The following ZFYVE28 variants were observed in gnomAD, a reference collection of about 807,000 sequenced individuals.
ZFYVE28 encodes the protein zinc finger FYVE-type containing 28, also known as lateral signaling target protein 2 homolog.
A neutral mutation model predicts 82.1 loss-of-function variants in ZFYVE28; 40 were observed. The observed-to-expected ratio is 0.49, with a 90% CI of 0.38 to 0.63. ZFYVE28 has a LOEUF of 0.63. Ranked by LOEUF, ZFYVE28 falls within the 30% of genes least tolerant of loss-of-function variation. The probability of loss-of-function intolerance (pLI) is 0.00; values close to 1 mark genes in which losing one functional copy is unlikely to be tolerated. For missense variants in ZFYVE28, 1,321 were observed against 1,242.1 expected, an observed-to-expected ratio of 1.06 and a Z score of -0.96; for synonymous variants, 612 against 546.1, an observed-to-expected ratio of 1.12 and a Z score of -1.68.
intron 1 of ZFYVE28, among the ~76,000 whole-genome samples, chr4:2,406,064 A>AAGAAAGAC (rs1731875641): frequency 2.8e-5 from 4 of 142,484 alleles, no homozygotes; most frequent in African/African-American, 1.1e-4. Flanking sequence ...AAAAAAAAAA[A>AAGAAAGAC]AGAAAGAAAG....
In ZFYVE28 at chr4:2,318,328, C is replaced by T. The variant is rs567010106; in HGVS notation, c.803+1842G>A. ...ATCCCAGCACTTTGGGAGGCCGAGGCGGGCGGATCACCTGAGGTCAGGAGT... is the reference window on the plus strand; with the variant it reads ...ATCCCAGCACTTTGGGAGGCCGAGGTGGGCGGATCACCTGAGGTCAGGAGT... On this transcript the variant is annotated intron_variant, in intron 7 of 12. Coordinates refer to ENST00000290974, the MANE Select transcript of ZFYVE28 (RefSeq NM_020972.3). Among the ~76,000 whole-genome samples, 9 of 152,240 alleles carry T rather than the reference C, an allele frequency of 5.9e-5. No individual in the cohort carries two copies. In the South Asian group the frequency reaches 1.0e-3, roughly 18 times the overall value.
chr4:2,363,661 AT>A (rs1254386533), intron 1 of ZFYVE28, among the ~76,000 whole-genome samples: 2 of 152,218 alleles, frequency 1.3e-5, no homozygotes, highest in African/African-American at 4.8e-5. Flanking sequence ...GTATGTGAGC[AT>A]GTAGGTCACC....
chr4:2,391,462 T>TTC, intron 1 of ZFYVE28, among the ~76,000 whole-genome samples: 1 of 150,774 alleles, frequency 6.6e-6, no homozygotes, highest in African/African-American at 2.4e-5. Context: ...TATCTTTTTT[T>TTC]TTTTTTTTTT....
intron 6 of ZFYVE28, chr4:2,329,033 T>C: frequency 1.5e-6 from 1 of 678,752 alleles, no homozygotes; most frequent in Non-Finnish European, 2.7e-6. Flanking sequence ...TAGTAAGTTT[T>C]GAAATCAGGA....
At chr4:2,355,558 G>A (rs1327095935) in intron 1 of ZFYVE28, among the ~76,000 whole-genome samples, 1 of 150,256 alleles carries the variant, frequency 6.7e-6, no homozygotes, top group African/African-American at 2.5e-5. Flanking sequence ...GGGATTACAG[G>A]CCTGAGCCAC....
chr4:2,411,507 C>T (rs542989869), intron 1 of ZFYVE28, among the ~76,000 whole-genome samples: 2 of 152,106 alleles, frequency 1.3e-5, no homozygotes, highest in East Asian at 3.9e-4. Context: ...TGAAAAAAGA[C>T]AAAAGTAATC....
intron 7 of ZFYVE28, among the ~76,000 whole-genome samples, chr4:2,311,924 G>A (rs1478924078): frequency 6.6e-6 from 1 of 152,190 alleles, no homozygotes; most frequent in East Asian, 1.9e-4. Context: ...CTATAGGCGT[G>A]TGCCATGATG....
In ZFYVE28 at chr4:2,281,097, C is replaced by T. The variant is rs575939987; in HGVS notation, c.2052-6881G>A. The stretch of plus-strand genomic sequence containing the variant: ...AAAGGCCCTCTCCTGCCTCCCTGCC[C>T]TGGTTGGCTGGAAGCTCTGGTGGCG... On this transcript the variant is annotated intron_variant, in intron 8 of 12. Coordinates refer to ENST00000290974, the MANE Select transcript of ZFYVE28 (RefSeq NM_020972.3). 2.0e-5 allele frequency among the ~76,000 whole-genome samples: 3 copies of T among 152,324 alleles called. No individual in the cohort carries two copies. The East Asian group carries it at 5.8e-4, about 29-fold the overall frequency.
At chr4:2,412,070 C>A (rs74541919) in intron 1 of ZFYVE28, among the ~76,000 whole-genome samples, 3 of 152,190 alleles carry the variant, frequency 2.0e-5, no homozygotes, top group East Asian at 1.9e-4. Context: ...AGGGGCAGGG[C>A]GCATCCTTCA....
At chr4:2,371,356 G>A (rs1363618953) in intron 1 of ZFYVE28, among the ~76,000 whole-genome samples, 1 of 152,154 alleles carries the variant, frequency 6.6e-6, no homozygotes, top group Non-Finnish European at 1.5e-5. Flanking sequence ...TTATAAAGGT[G>A]CCCGCCACTA....
intron 7 of ZFYVE28, among the ~76,000 whole-genome samples, chr4:2,309,668 A>G (rs190045927): frequency 6.6e-6 from 1 of 152,308 alleles, no homozygotes; most frequent in East Asian, 1.9e-4. Context: ...TGGGCCAGAA[A>G]ACAATGTTAA....
At position 2,270,743 on chromosome 4, in the gene ZFYVE28, G is replaced by A. The variant is rs371107576; in HGVS notation, c.2646C>T (p.Ser882=). The A allele has an allele frequency of 4.5e-5, 73 of 1,613,094 alleles. 1 individual carries two copies. The highest frequency in any genetic ancestry group is 2.0e-4 in the Admixed American group (12 of 60,002). The change falls in exon 13 of 13, where the codon AGC becomes AGT. Residue 882 remains serine (S), a synonymous_variant. Transcript: ENST00000290974. The part of the protein sequence containing the change: ...CYMFHVTPFY[S]DKAGL ...CACCACGTCACAGGCCGGCCTTGTC[G>A]CTGTAGAAGGGCGTGACATGGAACA...
At position 2,303,920 on chromosome 4, in the gene ZFYVE28, G is replaced by A. The variant is rs116898834; in HGVS notation, c.2051+369C>T. 6.1e-3 allele frequency among the ~76,000 whole-genome samples: 932 copies of A among 152,340 alleles called. 35 individuals carry two copies. In the East Asian group the frequency reaches 0.083, roughly 14 times the overall value. On this transcript the variant is annotated intron_variant, in intron 8 of 12. Transcript: ENST00000290974. ...AAGGGGCCCGGCGCTGGCACAGCCC[G>A]CTCCCACTGCCCCGCACAGGCACGC... is the stretch of plus-strand genomic sequence containing the variant.
In ZFYVE28 at chr4:2,335,132, T is replaced by C. The variant is rs1435850369; in HGVS notation, c.701+573A>G. ...CCCCACAGGACCCTACAGGCTGCCT[T>C]GAGTTCCCTGCTCTCCCAGACGGCC... On this transcript the variant is annotated intron_variant, in intron 6 of 12. Transcript: ENST00000290974. This position sits in a 1 kb window ranked among gnomAD's most constrained non-coding sequence, Gnocchi z 5.8. Among the ~76,000 whole-genome samples the C allele has an allele frequency of 6.6e-6, 1 of 151,544 alleles. No homozygotes were observed. The highest frequency in any genetic ancestry group is 1.5e-5 in the Non-Finnish European group (1 of 67,846).
At chr4:2,283,073 T>C (rs1712162664) in intron 8 of ZFYVE28, among the ~76,000 whole-genome samples, 2 of 147,782 alleles carry the variant, frequency 1.4e-5, no homozygotes, top group African/African-American at 5.2e-5. Flanking sequence ...CTGACGCAAA[T>C]GGTGGGCTGG....
rs369443432 is a variant in ZFYVE28 at position 2,271,709 on chromosome 4, T to A, written c.2394A>T (p.Glu798Asp). 1.2e-6 allele frequency: 2 copies of A among 1,613,772 alleles called. No homozygotes were observed. The highest frequency in any genetic ancestry group is 2.7e-5 in the African/African-American group (2 of 74,932). The change falls in exon 11 of 13, where the codon GAA becomes GAT. Residue 798 changes from glutamate (E) to aspartate (D), a missense_variant. Around this residue, in one of 2 missense-constraint regions of ZFYVE28, gnomAD observed 978 missense variants for 833.7 expected, o/e 1.17. Coordinates refer to ENST00000290974, the MANE Select transcript of ZFYVE28 (RefSeq NM_020972.3). ...CCCCATCGCGGGTCTTGGCTGCCAG[T>A]TCAGAGGATGACAGGGTCTCCTGGC... Reference protein sequence around the residue: ...ALCQETLSSSELAAKTRDGDF... With the variant: ...ALCQETLSSSDLAAKTRDGDF...
At chr4:2,271,013 G>A (rs1306474613) in intron 12 of ZFYVE28, 157 bp from the exon 13 acceptor site, 2 of 1,147,068 alleles carry the variant, frequency 1.7e-6, no homozygotes, top group Non-Finnish European at 2.5e-6. Context: ...TCAGGAGGCT[G>A]GACTCTATGA....
intron 2 of ZFYVE28, among the ~76,000 whole-genome samples, chr4:2,342,262 G>A (rs1025547691): frequency 5.9e-5 from 9 of 152,354 alleles, no homozygotes; most frequent in South Asian, 4.1e-4. Context: ...GTCTGCACTG[G>A]AAGGGGGTGC....
rs115756708 is a variant in ZFYVE28, at chr4:2,362,270, G to A, written c.40-8197C>T. ...TGAGGCACCGCCTGGGCCTCTCCAG[G>A]GCCAGCTTTCCATTAAAGCCTGGGA... On this transcript the variant is annotated intron_variant, in intron 1 of 12. Transcript: ENST00000290974. This position sits in a 1 kb window ranked among gnomAD's most constrained non-coding sequence, Gnocchi z 5.1. 6.5e-3 allele frequency among the ~76,000 whole-genome samples: 983 copies of A among 152,182 alleles called. 11 individuals are homozygous for A. Among genetic ancestry groups the A allele is most frequent in the African/African-American group, 0.023 (934 of 41,500 alleles).
Sources: gnomAD v4.1 joint callset for allele counts (sites outside exome capture counted in the v4.1 genomes callset) on GRCh38, gnomAD v4.1.1 for gene constraint, gnomAD v4.1.1 regional missense constraint, Gnocchi (gnomAD v3.1) non-coding constraint, MANE v1.5 for transcripts, NCBI Gene and HGNC (gene_info 2026-07-23, HGNC 2026-07-21) for gene names.